CDH18: variants seen among roughly 807,000 people sequenced by gnomAD.
The protein encoded by CDH18 is cadherin 18, also known as cadherin-18.
Under a neutral mutation model 67.9 loss-of-function variants are expected in CDH18, and 31 were observed. The ratio of observed to expected loss-of-function variants is 0.46; its 90% CI spans 0.34 to 0.62. CDH18 has a LOEUF of 0.62. Among genes scored for constraint, CDH18 ranks in the 20% least tolerant of loss-of-function variants. The probability of loss-of-function intolerance (pLI) is 0.01; values close to 1 mark genes in which losing one functional copy is unlikely to be tolerated. For missense variants in CDH18, 890 were observed against 975.5 expected, an observed-to-expected ratio of 0.91 and a Z score of 1.17; for synonymous variants, 362 against 347.2, an observed-to-expected ratio of 1.04 and a Z score of -0.48.
chr5:20,574,759 C>G (rs1022910213), intron 1 of CDH18, among the ~76,000 whole-genome samples: 2 of 152,052 alleles, frequency 1.3e-5, no homozygotes, highest in African/African-American at 4.8e-5. Context: ...TTAACCCGCA[C>G]GTAGCATCAC....
At chr5:19,527,112 CTTTG>C (rs1561270749) in intron 9 of CDH18, among the ~76,000 whole-genome samples, 1 of 151,828 alleles carries the variant, frequency 6.6e-6, no homozygotes, top group African/African-American at 2.4e-5. Context: ...TTGGTTAATG[CTTTG>C]TTTGTTAACA....
At chr5:20,374,371 A>G (rs79715176) in intron 1 of CDH18, among the ~76,000 whole-genome samples, 3,445 of 152,312 alleles carry the variant, frequency 0.023, 101 homozygotes, top group East Asian at 0.076. Flanking sequence ...TAAAACAGTC[A>G]GAATGCAGTG....
intron 2 of CDH18, among the ~76,000 whole-genome samples, chr5:20,226,335 ACAAT>A (rs1425162967): frequency 1.3e-5 from 2 of 152,260 alleles, no homozygotes; most frequent in East Asian, 3.9e-4. Flanking sequence ...ATTATATTTG[ACAAT>A]CAGAGTTTCA....
intron 1 of CDH18, among the ~76,000 whole-genome samples, chr5:20,434,225 A>C (rs1748993244): frequency 6.6e-6 from 1 of 152,052 alleles, no homozygotes; most frequent in African/African-American, 2.4e-5. Context: ...ATGTTCAATA[A>C]ATAAGGTTAA....
intron 5 of CDH18, 70 bp downstream of exon 5, chr5:19,721,277 A>G: frequency 8.5e-6 from 12 of 1,412,708 alleles, no homozygotes. Context: ...AGCATATGGA[A>G]ATAAAAACCA....
chr5:20,252,484 G>A (rs899596059), intron 2 of CDH18, among the ~76,000 whole-genome samples: 2 of 152,086 alleles, frequency 1.3e-5, no homozygotes, highest in Non-Finnish European at 2.9e-5. Flanking sequence ...GGGCTTTTGT[G>A]TTAGTAAACA....
At chr5:20,515,635 G>T (rs559929118) in intron 1 of CDH18, among the ~76,000 whole-genome samples, 1 of 152,188 alleles carries the variant, frequency 6.6e-6, no homozygotes, top group South Asian at 2.1e-4. Context: ...TTAATTCAAT[G>T]TGTCTAAGAC....
intron 1 of CDH18, among the ~76,000 whole-genome samples, chr5:20,376,323 C>CAG (rs1743439423): frequency 6.6e-6 from 1 of 151,080 alleles, no homozygotes. Flanking sequence ...TTCCTGACCT[C>CAG]GTGATCTGCC....
At chr5:19,621,690 T>C (rs1298199612) in intron 5 of CDH18, among the ~76,000 whole-genome samples, 3 of 152,180 alleles carry the variant, frequency 2.0e-5, no homozygotes, top group African/African-American at 4.8e-5. Flanking sequence ...AAATGAGTTG[T>C]TGCTGTTTAA....
chr5:20,322,230 T>C (rs1031469978), intron 1 of CDH18, among the ~76,000 whole-genome samples: 8 of 152,116 alleles, frequency 5.3e-5, no homozygotes, highest in African/African-American at 9.7e-5. Context: ...CTGATTTCAG[T>C]TGAGTCAATA....
At chr5:20,507,287 T>G (rs908298410) in intron 1 of CDH18, among the ~76,000 whole-genome samples, 2 of 152,184 alleles carry the variant, frequency 1.3e-5, no homozygotes, top group African/African-American at 2.4e-5. Flanking sequence ...TTTACAGCAA[T>G]AGACAATGAA....
chr5:20,191,195 T>G (rs111520784), intron 2 of CDH18, among the ~76,000 whole-genome samples: 1 of 152,134 alleles, frequency 6.6e-6, no homozygotes, highest in Non-Finnish European at 1.5e-5. Context: ...TATACCTGTT[T>G]GAGTTATACG....
At chr5:20,425,054 T>C (rs1748184629) in intron 1 of CDH18, among the ~76,000 whole-genome samples, 1 of 150,670 alleles carries the variant, frequency 6.6e-6, no homozygotes, top group Admixed American at 6.6e-5. Flanking sequence ...TATGAAAGAC[T>C]TAGTCTTAGA....
chr5:20,250,423 G>A (rs905725828), intron 2 of CDH18, among the ~76,000 whole-genome samples: 8 of 151,724 alleles, frequency 5.3e-5, no homozygotes, highest in African/African-American at 1.9e-4. Flanking sequence ...CTCCTGAGTA[G>A]CTGGGACTGC....
intron 4 of CDH18, among the ~76,000 whole-genome samples, chr5:19,734,682 C>T (rs1363781401): frequency 6.6e-6 from 1 of 152,144 alleles, no homozygotes; most frequent in Non-Finnish European, 1.5e-5. Context: ...TAGGGCTATA[C>T]ATTTGATCTA....
intron 2 of CDH18, among the ~76,000 whole-genome samples, chr5:20,037,881 C>CA (rs201241921): frequency 6.6e-6 from 1 of 151,750 alleles, no homozygotes; most frequent in Non-Finnish European, 1.5e-5. Flanking sequence ...GACAGAGACA[C>CA]AAAAAACCCT....
chr5:19,543,195 G>T (rs998746716), intron 9 of CDH18, among the ~76,000 whole-genome samples: 1 of 151,980 alleles, frequency 6.6e-6, no homozygotes, highest in East Asian at 1.9e-4. Context: ...TTTTCTTAGA[G>T]TTATATTCTA....
At chr5:20,327,341 A>G (rs1738697968) in intron 1 of CDH18, among the ~76,000 whole-genome samples, 1 of 152,224 alleles carries the variant, frequency 6.6e-6, no homozygotes, top group Non-Finnish European at 1.5e-5. Flanking sequence ...TTTACGGAGC[A>G]AATGACAGTG....
intron 1 of CDH18, among the ~76,000 whole-genome samples, chr5:20,280,694 A>G (rs187182573): frequency 9.8e-4 from 149 of 152,316 alleles, no homozygotes; most frequent in African/African-American, 3.5e-3. Flanking sequence ...TTATAGCAGC[A>G]TGATTTATAA....
Sources: gnomAD v4.1 joint callset for allele counts (sites outside exome capture counted in the v4.1 genomes callset) on GRCh38, gnomAD v4.1.1 for gene constraint, MANE v1.5 for transcripts, NCBI Gene and HGNC (gene_info 2026-07-23, HGNC 2026-07-21) for gene names.